Variants in KIAA1328 observed in about 807,000 individuals in gnomAD.
KIAA1328 encodes the protein KIAA1328.
Under a neutral mutation model 68.1 loss-of-function variants are expected in KIAA1328, and 52 were observed. The observed-to-expected ratio is 0.76, with a 90% CI of 0.61 to 0.96. KIAA1328 has a LOEUF of 0.96. Among genes scored for constraint, KIAA1328 ranks in the 40% least tolerant of loss-of-function variants. The pLI, the probability that KIAA1328 is intolerant of heterozygous loss-of-function variation, is 0.00. For synonymous variants in KIAA1328, 232 were observed against 239.4 expected (o/e 0.97, Z 0.28); for missense variants, 641 against 677.6 (o/e 0.95, Z 0.60).
chr18:36,920,987 C>T (rs1389958020), intron 5 of KIAA1328: 1 of 152,224 alleles, frequency 6.6e-6, no homozygotes, highest in Non-Finnish European at 1.5e-5. Flanking sequence ...TTAGTATTTC[C>T]TTTCACTGTG....
chr18:37,153,776 C>T (rs1475377705), intron 7 of KIAA1328, among the ~76,000 whole-genome samples: 2 of 145,108 alleles, frequency 1.4e-5, no homozygotes, highest in Non-Finnish European at 3.0e-5. Context: ...TGGAAGTGAA[C>T]GGAGGAATTA....
intron 6 of KIAA1328, among the ~76,000 whole-genome samples, chr18:37,060,185 T>G (rs2056093425): frequency 6.6e-6 from 1 of 152,160 alleles, no homozygotes; most frequent in Admixed American, 6.5e-5. Context: ...ATAGCCTATG[T>G]GATGACAGGC....
chr18:37,015,809 G>A (rs1018928655), intron 6 of KIAA1328, among the ~76,000 whole-genome samples: 1 of 152,110 alleles, frequency 6.6e-6, no homozygotes, highest in South Asian at 2.1e-4. Context: ...CTTGAACATT[G>A]TTGGTGTATA....
intron 2 of KIAA1328, 62 bp downstream of exon 2, chr18:36,834,417 T>C: frequency 7.3e-7 from 1 of 1,377,068 alleles, no homozygotes; most frequent in Non-Finnish European, 9.8e-7. Context: ...TAGAAGAAAA[T>C]AAAGCTATTA....
intron 5 of KIAA1328, among the ~76,000 whole-genome samples, chr18:36,924,537 G>T (rs1217412646): frequency 6.6e-6 from 1 of 152,158 alleles, no homozygotes; most frequent in Non-Finnish European, 1.5e-5. Flanking sequence ...AAACGAGTAT[G>T]ACTATACATT....
At chr18:37,171,934 A>G (rs1050020983) in intron 8 of KIAA1328, among the ~76,000 whole-genome samples, 1 of 152,186 alleles carries the variant, frequency 6.6e-6, no homozygotes, top group African/African-American at 2.4e-5. Context: ...AACAGAGTAG[A>G]GAATAGTTGA....
chr18:37,107,753 A>G (rs1197120616), intron 7 of KIAA1328, among the ~76,000 whole-genome samples: 1 of 152,078 alleles, frequency 6.6e-6, no homozygotes, highest in Non-Finnish European at 1.5e-5. Context: ...AATTCTAGAA[A>G]CCTTTTGGCA....
At chr18:37,066,307 T>A (rs1043524643) in intron 6 of KIAA1328, among the ~76,000 whole-genome samples, 2 of 152,220 alleles carry the variant, frequency 1.3e-5, no homozygotes, top group Non-Finnish European at 2.9e-5. Context: ...TAGATGAAAT[T>A]AAGTATTTTT....
At chr18:36,954,225 A>T (rs1028426404) in intron 5 of KIAA1328, among the ~76,000 whole-genome samples, 3 of 151,808 alleles carry the variant, frequency 2.0e-5, no homozygotes, top group Non-Finnish European at 2.9e-5. Context: ...GATGGTCTCG[A>T]TCTCCTGACC....
chr18:37,115,907 A>G (rs1391918884), intron 7 of KIAA1328, among the ~76,000 whole-genome samples: 1 of 152,236 alleles, frequency 6.6e-6, no homozygotes, highest in Non-Finnish European at 1.5e-5. Flanking sequence ...ACTCCCATTC[A>G]CAATTGCTTC....
chr18:36,963,494 T>G (rs980334543), intron 6 of KIAA1328, among the ~76,000 whole-genome samples: 10 of 152,178 alleles, frequency 6.6e-5, no homozygotes, highest in African/African-American at 2.2e-4. Context: ...CCTAAAGACA[T>G]GTGGAAAAGA....
chr18:37,191,628 A>G (rs1460525873), intron 9 of KIAA1328, among the ~76,000 whole-genome samples: 3 of 152,230 alleles, frequency 2.0e-5, no homozygotes, highest in Non-Finnish European at 2.9e-5. Flanking sequence ...AACACACTGT[A>G]TATGATTGAC....
intron 6 of KIAA1328, among the ~76,000 whole-genome samples, chr18:37,036,095 A>G (rs1318846081): frequency 6.6e-6 from 1 of 152,200 alleles, no homozygotes; most frequent in East Asian, 1.9e-4. Flanking sequence ...CTGTTGTCCC[A>G]GTAATGGCCA....
At chr18:37,068,070 T>C (rs1028523654) in intron 7 of KIAA1328, among the ~76,000 whole-genome samples, 2 of 152,218 alleles carry the variant, frequency 1.3e-5, no homozygotes, top group African/African-American at 4.8e-5. Flanking sequence ...TTAGAATATC[T>C]ATTTCTGAGC....
intron 7 of KIAA1328, among the ~76,000 whole-genome samples, chr18:37,138,081 C>G (rs552284932): frequency 6.6e-6 from 1 of 152,040 alleles, no homozygotes; most frequent in Non-Finnish European, 1.5e-5. Context: ...TGCTCTTAAG[C>G]CTTTTAAATG....
At chr18:37,000,449 A>G (rs2053546422) in intron 6 of KIAA1328, among the ~76,000 whole-genome samples, 1 of 152,166 alleles carries the variant, frequency 6.6e-6, no homozygotes, top group Non-Finnish European at 1.5e-5. Context: ...TAGATCATCA[A>G]GACAGAAAAT....
At chr18:36,907,052 C>T (rs1009043266) in intron 5 of KIAA1328, among the ~76,000 whole-genome samples, 4 of 151,998 alleles carry the variant, frequency 2.6e-5, no homozygotes, top group Non-Finnish European at 5.9e-5. Context: ...ATTTTATCTA[C>T]TTTTCTTTGT....
chr18:37,115,988 C>T (rs1311055026), intron 7 of KIAA1328, among the ~76,000 whole-genome samples: 1 of 152,146 alleles, frequency 6.6e-6, no homozygotes, highest in Admixed American at 6.5e-5. Flanking sequence ...AAACTACAAA[C>T]CACTGCTCAA....
chr18:36,989,128 C>T (rs534090475), intron 6 of KIAA1328, among the ~76,000 whole-genome samples: 10 of 152,128 alleles, frequency 6.6e-5, no homozygotes, highest in East Asian at 3.9e-4. Flanking sequence ...TTTATGCCTA[C>T]GACATTCAGC....
Sources: gnomAD v4.1 joint callset for allele counts (sites outside exome capture counted in the v4.1 genomes callset) on GRCh38, gnomAD v4.1.1 for gene constraint, MANE v1.5 for transcripts, NCBI Gene and HGNC (gene_info 2026-07-23, HGNC 2026-07-21) for gene names.